CLSTN3: variants seen among roughly 807,000 people sequenced by gnomAD.
CLSTN3 encodes calsyntenin 3.
Under a neutral mutation model 95.9 loss-of-function variants are expected in CLSTN3, and 36 were observed. The ratio of observed to expected loss-of-function variants is 0.38; its 90% CI spans 0.29 to 0.50. The LOEUF is 0.50. Ranked by LOEUF, CLSTN3 falls within the 20% of genes least tolerant of loss-of-function variation. The pLI is 0.95. For synonymous variants in CLSTN3, 481 were observed against 504.0 expected (o/e 0.95, Z 0.61); for missense variants, 1,084 against 1,268.8 (o/e 0.85, Z 2.21).
intron 12 of CLSTN3, among the ~76,000 whole-genome samples, chr12:7,147,886 G>A (rs1359507065): frequency 6.6e-6 from 1 of 152,096 alleles, no homozygotes; most frequent in Non-Finnish European, 1.5e-5. Flanking sequence ...CAGGTGCGGT[G>A]GCTCACGCCT....
chr12:7,149,168 G>A lies in CLSTN3; in HGVS notation c.2044G>A (p.Ala682Thr), dbSNP rs1374935970. The A allele has an allele frequency of 6.2e-7, 1 of 1,614,140 alleles. No homozygotes were observed. Among genetic ancestry groups the A allele is most frequent in the Non-Finnish European group, 8.5e-7 (1 of 1,180,012 alleles). Residue 682 changes from alanine (A) to threonine (T), a missense_variant, in exon 13 of 18, where the codon GCC becomes ACC. By Grantham distance (58) the Ala-to-Thr change is moderately conservative. Transcript: ENST00000266546. The surrounding 1 kb of genome is among the most constrained non-coding windows in gnomAD (Gnocchi z 4.5). ...ITCSISHQVE[A>T]KKDESWQGTV... Reference sequence around the variant, plus strand: ...CTGCTCCATTTCTCACCAGGTGGAGGCCAAAAAGGATGAGAGTTGGCAGGG... The same window carrying A: ...CTGCTCCATTTCTCACCAGGTGGAGACCAAAAAGGATGAGAGTTGGCAGGG...
chr12:7,137,843 C>T lies in CLSTN3; in HGVS notation c.1211-112C>T, dbSNP rs114666500. On this transcript the variant is annotated intron_variant, in intron 7 of 17. Coordinates refer to ENST00000266546, the MANE Select transcript of CLSTN3 (RefSeq NM_014718.4). This position sits in a 1 kb window ranked among gnomAD's most constrained non-coding sequence, Gnocchi z 4.4. ...GAGAGGAAAGAAAAATGCTAGAGAA[C>T]GAGGGAATGAGAGAGGATTAAGAGA... 4.1e-3 allele frequency: 1,697 copies of T among 417,990 alleles called. 27 individuals carry two copies. The highest frequency in any genetic ancestry group is 0.034 in the African/African-American group (1,477 of 43,524). The allele number at this position is 417,990 out of a possible 1,614,324, so 25.9% of individuals were successfully genotyped here.
chr12:7,130,854 C>T (rs1939285818), intron 1 of CLSTN3, 142 bp downstream of exon 1: 3 of 721,354 alleles, frequency 4.2e-6, no homozygotes, highest in Non-Finnish European at 4.9e-6. Flanking sequence ...CCCATCCGTT[C>T]TCAGACCTGC....
chr12:7,140,402 TATGGTAC>T (rs1280515791), intron 8 of CLSTN3, among the ~76,000 whole-genome samples: 1 of 152,060 alleles, frequency 6.6e-6, no homozygotes. Flanking sequence ...AGTGTATAAC[TATGGTAC>T]CCAAACCCAT....
chr12:7,130,420 G>A lies in CLSTN3; in HGVS notation c.-229G>A. 1.4e-6 allele frequency: 2 copies of A among 1,452,886 alleles called. No individual in the cohort carries two copies. The highest frequency in any genetic ancestry group is 2.8e-5 in the African/African-American group (2 of 70,882). 90.0% of individuals were successfully genotyped at this position (1,452,886 alleles called of 1,614,324 possible). A position where few individuals can be genotyped will look rare whatever the true frequency, so the allele number is the denominator to read the frequency against. ...GGGAGTGAGAGAGTGAGGACGCTGGGCTGGGGGAAACGGGAAGCCGCTGCA... is the reference window on the plus strand; with the variant it reads ...GGGAGTGAGAGAGTGAGGACGCTGGACTGGGGGAAACGGGAAGCCGCTGCA... On this transcript the variant is annotated 5_prime_UTR_variant, in exon 1 of 18. Coordinates refer to ENST00000266546, the MANE Select transcript of CLSTN3 (RefSeq NM_014718.4).
Position 7,151,044 on chromosome 12 carries a change from C to A in CLSTN3, c.2508C>A (p.Ala836=). 6.2e-7 allele frequency: 1 copy of A among 1,603,458 alleles called. No individual in the cohort carries two copies. Among genetic ancestry groups the A allele is most frequent in the Non-Finnish European group, 8.5e-7 (1 of 1,174,778 alleles). ...PPPEMAGHSL[A]SSHRNSMIPS... ...CTGAGATGGCTGGACACAGCCTAGCCAGCTCCCACAGAAACTCCAGTACGT... is the reference window on the plus strand; with the variant it reads ...CTGAGATGGCTGGACACAGCCTAGCAAGCTCCCACAGAAACTCCAGTACGT... Residue 836 remains alanine, a synonymous_variant, in exon 16 of 18, where the codon GCC becomes GCA. Transcript: ENST00000266546.
chr12:7,148,073 T>G (rs750579473), intron 12 of CLSTN3, among the ~76,000 whole-genome samples: 1 of 151,700 alleles, frequency 6.6e-6, no homozygotes, highest in Non-Finnish European at 1.5e-5. Flanking sequence ...GAGGAATCGC[T>G]TGAACCCAGG....
chr12:7,137,224 G>T lies in CLSTN3; in HGVS notation c.1210+114G>T. The T allele has an allele frequency of 1.9e-6, 2 of 1,064,686 alleles. No individual in the cohort carries two copies. The highest frequency in any genetic ancestry group is 1.3e-6 in the Non-Finnish European group (1 of 748,884). The allele number at this position is 1,064,686 out of a possible 1,614,324, so 66.0% of individuals were successfully genotyped here. ...TCACTTCCCCTCTCTTCATTTGTGA[G>T]GTGCAAGTGCCAGGTGTGATATGCC... On this transcript the variant is annotated intron_variant, in intron 7 of 17. Transcript: ENST00000266546. This position sits in a 1 kb window ranked among gnomAD's most constrained non-coding sequence, Gnocchi z 4.4.
At position 7,142,072 on chromosome 12, in the gene CLSTN3, T is replaced by C; in HGVS notation, c.1487-14T>C. The C allele has an allele frequency of 1.3e-6, 2 of 1,579,712 alleles. No homozygotes were observed. The highest frequency in any genetic ancestry group is 1.8e-5 in the Admixed American group (1 of 54,736). ...AGCTCACCAGCACTGTTTTTTTTTTTTTTTTATCCCCAGAGGAGAAGAACA... is the reference window on the plus strand; with the variant it reads ...AGCTCACCAGCACTGTTTTTTTTTTCTTTTTATCCCCAGAGGAGAAGAACA... On this transcript the variant is annotated splice_polypyrimidine_tract_variant and intron_variant, in intron 9 of 17. Coordinates refer to ENST00000266546, the MANE Select transcript of CLSTN3 (RefSeq NM_014718.4).
At position 7,141,087 on chromosome 12, in the gene CLSTN3, G is replaced by A. The variant is rs1279471404; in HGVS notation, c.1324-155G>A. ...ATTTTGGACAAGGATGTTATTCCTC[G>A]AGCTGGATAGGCAGCAAAGCACTAG... On this transcript the variant is annotated intron_variant, in intron 8 of 17. Transcript: ENST00000266546. The surrounding 1 kb of genome is among the most constrained non-coding windows in gnomAD (Gnocchi z 4.1). Among the ~76,000 whole-genome samples, 7 of 152,170 alleles carry A rather than the reference G, an allele frequency of 4.6e-5. No homozygotes were observed. The highest frequency in any genetic ancestry group is 9.7e-5 in the African/African-American group (4 of 41,424).
At chr12:7,147,396 CAAAAAAAAAAAAAAAAA>C (rs56109046) in intron 12 of CLSTN3, among the ~76,000 whole-genome samples, 1 of 50,522 alleles carries the variant, frequency 2.0e-5, no homozygotes, top group Non-Finnish European at 3.2e-5. Context: ...GAGACTCTGC[CAAAAAAAAAAAAAAAAA>C]AAAAAAAAAA....
chr12:7,145,141 A>T (rs768725760), intron 12 of CLSTN3, among the ~76,000 whole-genome samples: 12 of 152,244 alleles, frequency 7.9e-5, no homozygotes, highest in Middle Eastern at 3.4e-3. Context: ...CTCTTTGCTG[A>T]CTGCCTCATC....
In CLSTN3 at chr12:7,138,018, C is replaced by T. The variant is rs781625555; in HGVS notation, c.1274C>T (p.Pro425Leu). Residue 425 changes from proline (P) to leucine (L), a missense_variant, in exon 8 of 18, where the codon CCC (proline) becomes CTC (leucine). By Grantham distance (98) the Pro-to-Leu change is moderately conservative (BLOSUM62 -3). Transcript: ENST00000266546. ...TGTAGGATTGCCTTCCTCTACTGGC[C>T]CCTGCTTGAGAGTGCCCGCCCAGTC... ...HGCRIAFLYWPLLESARPVKF... is the reference protein window; with the variant it reads ...HGCRIAFLYWLLLESARPVKF... 9.1e-5 allele frequency: 147 copies of T among 1,613,904 alleles called. No individual in the cohort carries two copies. Among genetic ancestry groups the T allele is most frequent in the South Asian group, 1.8e-4 (16 of 91,064 alleles).
At chr12:7,130,817 T>C in intron 1 of CLSTN3, 105 bp downstream of exon 1, 6 of 999,880 alleles carry the variant, frequency 6.0e-6, no homozygotes, top group Non-Finnish European at 9.2e-6. Flanking sequence ...CTGACAGGTG[T>C]CTGGCCCTCT....
intron 10 of CLSTN3, 124 bp from the exon 11 acceptor site, chr12:7,142,736 GGTTTCCACA>G: frequency 1.8e-5 from 2 of 109,734 alleles, no homozygotes; most frequent in Admixed American, 1.6e-4. Context: ...TTTTTTTTTT[GGTTTCCACA>G]TTTCTCCTTT....
chr12:7,157,439 C>T lies in CLSTN3; in HGVS notation c.2528-50C>T. 6.7e-7 allele frequency: 1 copy of T among 1,492,520 alleles called. No individual in the cohort carries two copies. The highest frequency in any genetic ancestry group is 9.0e-7 in the Non-Finnish European group (1 of 1,112,736). The allele number at this position is 1,492,520 out of a possible 1,614,324, so 92.5% of individuals were successfully genotyped here. ...CCTACCCAGCCCCCTGTCCAAGTGC[C>T]CCCAGGTGTGCCTAGTCACGCTCTG... On this transcript the variant is annotated intron_variant, in intron 16 of 17. Transcript: ENST00000266546. This position sits in a 1 kb window ranked among gnomAD's most constrained non-coding sequence, Gnocchi z 5.9.
In CLSTN3 at chr12:7,151,166, G is replaced by A. The variant is rs1591621303; in HGVS notation, c.2527+103G>A. The A allele has an allele frequency of 3.0e-6, 4 of 1,334,028 alleles. No individual in the cohort carries two copies. The East Asian group carries it at 1.0e-4, about 35-fold the overall frequency. The allele number at this position is 1,334,028 out of a possible 1,614,324, so 82.6% of individuals were successfully genotyped here. A position where few individuals can be genotyped will look rare whatever the true frequency, so the allele number is the denominator to read the frequency against. On this transcript the variant is annotated intron_variant, in intron 16 of 17. Coordinates refer to ENST00000266546, the MANE Select transcript of CLSTN3 (RefSeq NM_014718.4). ...ACCTCTGGGAGAGGACAAGGTAGGT[G>A]GAGCAATGGGTTCTGTTCCCTGTGG...
intron 16 of CLSTN3, among the ~76,000 whole-genome samples, chr12:7,151,649 C>T (rs376498864): frequency 3.5e-4 from 53 of 152,290 alleles, no homozygotes; most frequent in African/African-American, 1.0e-3. Flanking sequence ...GCAACCTGGC[C>T]GTGGTCCCAA....
chr12:7,158,888 G>T lies in CLSTN3; in HGVS notation c.*807G>T, dbSNP rs968668795. 6.6e-6 allele frequency: 1 copy of T among 150,976 alleles called. No homozygotes were observed. The highest frequency in any genetic ancestry group is 1.5e-5 in the Non-Finnish European group (1 of 67,822). 9.4% of individuals were successfully genotyped at this position (150,976 alleles called of 1,614,324 possible). A position where few individuals can be genotyped will look rare whatever the true frequency, so the allele number is the denominator to read the frequency against. ...GGGCAGGGGCGGGGGGTTGGGTGTG[G>T]TGAGGGAGGGGACATATCCTAGGGT... On this transcript the variant is annotated 3_prime_UTR_variant, in exon 18 of 18. Coordinates refer to ENST00000266546, the MANE Select transcript of CLSTN3 (RefSeq NM_014718.4).
Sources: allele counts gnomAD v4.1 joint callset (sites outside exome capture counted in the v4.1 genomes callset), GRCh38; gene constraint gnomAD v4.1.1; non-coding constraint Gnocchi (gnomAD v3.1); transcripts MANE v1.5; gene names NCBI Gene and HGNC (gene_info 2026-07-23, HGNC 2026-07-21).